THSD7B: variants seen among roughly 807,000 people sequenced by gnomAD.
THSD7B encodes thrombospondin type 1 domain containing 7B.
In THSD7B, 138 loss-of-function variants were observed where a neutral mutation model predicts 213.6. That is an observed-to-expected ratio of 0.65 (90% CI 0.56 to 0.74). The LOEUF (loss-of-function observed/expected upper bound fraction) is 0.74, where lower values mean the gene tolerates loss of function less well. Among genes scored for constraint, THSD7B ranks in the 30% least tolerant of loss-of-function variants. The probability of loss-of-function intolerance (pLI) is 0.00; values close to 1 mark genes in which losing one functional copy is unlikely to be tolerated. For synonymous variants in THSD7B, 742 were observed against 687.0 expected (o/e 1.08, Z -1.25); for missense variants, 1,931 against 1,991.5 (o/e 0.97, Z 0.58).
intron 1 of THSD7B, among the ~76,000 whole-genome samples, chr2:136,861,143 G>A (rs970230517): frequency 1.3e-5 from 2 of 152,182 alleles, no homozygotes; most frequent in East Asian, 1.9e-4. Context: ...TGGCAATTTG[G>A]GTAGCATGAG....
intron 7 of THSD7B, among the ~76,000 whole-genome samples, chr2:137,185,025 A>G (rs564210352): frequency 6.6e-6 from 1 of 152,280 alleles, no homozygotes; most frequent in East Asian, 1.9e-4. Context: ...CTCAGGTATC[A>G]CAACAAATAG....
chr2:137,622,495 T>C (rs892783304), intron 20 of THSD7B, among the ~76,000 whole-genome samples: 3 of 151,918 alleles, frequency 2.0e-5, no homozygotes, highest in Non-Finnish European at 1.5e-5. Flanking sequence ...GTGAAGGAGA[T>C]AGAGACACAA....
chr2:137,161,720 C>T (rs1481934611), intron 6 of THSD7B, among the ~76,000 whole-genome samples: 2 of 152,124 alleles, frequency 1.3e-5, no homozygotes, highest in African/African-American at 4.8e-5. Context: ...ATGTCCCCCA[C>T]GCCTCCGCAG....
At chr2:137,078,490 G>A (rs531988958) in intron 3 of THSD7B, among the ~76,000 whole-genome samples, 4 of 151,940 alleles carry the variant, frequency 2.6e-5, no homozygotes, top group Non-Finnish European at 5.9e-5. Flanking sequence ...TTATATCTAT[G>A]TGTTTCTCTC....
chr2:136,821,911 T>G (rs1296049390), intron 1 of THSD7B, among the ~76,000 whole-genome samples: 10 of 152,152 alleles, frequency 6.6e-5, no homozygotes, highest in Non-Finnish European at 2.9e-5. Flanking sequence ...TAGGACCTAG[T>G]AAGACTTCAA....
At chr2:137,075,878 G>A (rs2104898146) in intron 3 of THSD7B, among the ~76,000 whole-genome samples, 1 of 152,300 alleles carries the variant, frequency 6.6e-6, no homozygotes, top group East Asian at 1.9e-4. Flanking sequence ...CTGGGTATCA[G>A]CAGCGGTGGC....
At chr2:137,369,828 G>A (rs1685503921) in intron 12 of THSD7B, among the ~76,000 whole-genome samples, 1 of 152,078 alleles carries the variant, frequency 6.6e-6, no homozygotes, top group Admixed American at 6.6e-5. Context: ...TCCCAACCAA[G>A]GACCCACTTA....
chr2:137,023,316 T>C (rs1686480375), intron 2 of THSD7B, among the ~76,000 whole-genome samples: 1 of 152,136 alleles, frequency 6.6e-6, no homozygotes, highest in African/African-American at 2.4e-5. Flanking sequence ...AATGAATGGC[T>C]GTCCAGTGGC....
chr2:137,480,049 C>A (rs1224786748), intron 15 of THSD7B, among the ~76,000 whole-genome samples: 2 of 152,170 alleles, frequency 1.3e-5, no homozygotes, highest in African/African-American at 4.8e-5. Flanking sequence ...ATCTAGGCAC[C>A]CAACGAAGTT....
intron 2 of THSD7B, among the ~76,000 whole-genome samples, chr2:136,974,853 C>T (rs754048129): frequency 1.8e-4 from 27 of 152,210 alleles, no homozygotes; most frequent in Non-Finnish European, 2.9e-4. Flanking sequence ...TCAGGTTTAC[C>T]AGCATTTGTT....
At chr2:137,657,476 C>T (rs1683259192) in intron 24 of THSD7B, among the ~76,000 whole-genome samples, 3 of 152,192 alleles carry the variant, frequency 2.0e-5, no homozygotes, top group South Asian at 2.1e-4. Context: ...CTCAATAAAA[C>T]GTTTCAAAGG....
chr2:137,322,739 A>C (rs1684288295), intron 12 of THSD7B, among the ~76,000 whole-genome samples: 1 of 152,248 alleles, frequency 6.6e-6, no homozygotes. Context: ...TAGCTGGGTT[A>C]TCCTAATTTA....
intron 17 of THSD7B, among the ~76,000 whole-genome samples, chr2:137,583,828 T>C (rs1446249397): frequency 1.3e-5 from 2 of 152,234 alleles, no homozygotes; most frequent in Non-Finnish European, 2.9e-5. Context: ...TGGGCTCTTT[T>C]TTGGTTCCAT....
chr2:137,122,881 C>T (rs1688567998), intron 5 of THSD7B, among the ~76,000 whole-genome samples: 1 of 152,140 alleles, frequency 6.6e-6, no homozygotes, highest in Non-Finnish European at 1.5e-5. Context: ...TACCTCTGCT[C>T]CTCAGCCACT....
intron 2 of THSD7B, among the ~76,000 whole-genome samples, chr2:137,004,168 CATT>C (rs1221985291): frequency 6.6e-6 from 1 of 152,024 alleles, no homozygotes; most frequent in East Asian, 1.9e-4. Flanking sequence ...GAAAAAGTGG[CATT>C]ATATGAGGGC....
chr2:136,892,793 A>T (rs1372945677), intron 2 of THSD7B, among the ~76,000 whole-genome samples: 5 of 152,082 alleles, frequency 3.3e-5, no homozygotes, highest in Non-Finnish European at 7.4e-5. Flanking sequence ...TAGAGTGTCT[A>T]GGTCCCAAGC....
chr2:137,045,366 C>T (rs1686951189), intron 2 of THSD7B, among the ~76,000 whole-genome samples: 1 of 152,114 alleles, frequency 6.6e-6, no homozygotes, highest in African/African-American at 2.4e-5. Flanking sequence ...AATCTTGTAA[C>T]CCAGAGGGCT....
intron 2 of THSD7B, among the ~76,000 whole-genome samples, chr2:136,959,008 A>T (rs1462107732): frequency 6.6e-6 from 1 of 152,094 alleles, no homozygotes; most frequent in Admixed American, 6.5e-5. Flanking sequence ...CTAGGGAGGG[A>T]GAGTGTACCT....
chr2:136,985,240 G>T (rs1313775737), intron 2 of THSD7B, among the ~76,000 whole-genome samples: 1 of 152,168 alleles, frequency 6.6e-6, no homozygotes, highest in Non-Finnish European at 1.5e-5. Context: ...TAATAGCCAA[G>T]ACAATGAGGA....
Sources: allele counts gnomAD v4.1 joint callset (sites outside exome capture counted in the v4.1 genomes callset), GRCh38; gene constraint gnomAD v4.1.1; transcripts MANE v1.5; gene names NCBI Gene and HGNC (gene_info 2026-07-23, HGNC 2026-07-21).